The following SIMC1 variants were observed in gnomAD, a reference collection of about 807,000 sequenced individuals.
SIMC1 encodes SUMO-interacting motif-containing protein 1.
A neutral mutation model predicts 82.3 loss-of-function variants in SIMC1; 55 were observed. That is an observed-to-expected ratio of 0.67 (90% CI 0.54 to 0.84). The LOEUF is 0.84. Ranked by LOEUF, SIMC1 falls within the 40% of genes least tolerant of loss-of-function variation. The probability of loss-of-function intolerance (pLI) is 0.00; values close to 1 mark genes in which losing one functional copy is unlikely to be tolerated. For synonymous variants in SIMC1, 353 were observed against 426.3 expected, an observed-to-expected ratio of 0.83 and a Z score of 2.12; for missense variants, 915 against 1,107.2, an observed-to-expected ratio of 0.83 and a Z score of 2.46.
At chr5:176,309,084 A>T (rs533174274) in intron 4 of SIMC1, 1 of 699,128 alleles carries the variant, frequency 1.4e-6, no homozygotes, top group Non-Finnish European at 2.6e-6. Context: ...AATTTTGAAG[A>T]AGAAAAACTT....
intron 1 of SIMC1, among the ~76,000 whole-genome samples, chr5:176,280,618 T>C (rs1046296333): frequency 1.3e-5 from 2 of 152,220 alleles, no homozygotes; most frequent in Non-Finnish European, 2.9e-5. Context: ...GGAGCTCTTG[T>C]ACGGCAGGCC....
In SIMC1 at chr5:176,314,223, C is replaced by T. The variant is rs547002600; in HGVS notation, c.1889+378C>T. 1.0e-3 allele frequency among the ~76,000 whole-genome samples: 159 copies of T among 152,202 alleles called. 1 individual carries two copies. The highest frequency in any genetic ancestry group is 1.6e-3 in the Non-Finnish European group (111 of 68,006). On this transcript the variant is annotated intron_variant, in intron 5 of 9. Coordinates refer to ENST00000429602, the MANE Select transcript of SIMC1 (RefSeq NM_001308195.2). ...CAGAGGTTGCAGTGAGCCGAGATTG[C>T]GCCACTGTACTCCAGCCTGGGTGAC...
chr5:176,344,498 CA>C (rs1766322436), intron 9 of SIMC1, among the ~76,000 whole-genome samples: 2 of 136,154 alleles, frequency 1.5e-5, no homozygotes, highest in African/African-American at 5.5e-5. Context: ...CACACACACA[CA>C]CACACACCTG....
intron 1 of SIMC1, among the ~76,000 whole-genome samples, chr5:176,286,955 C>A (rs1763316987): frequency 6.6e-6 from 1 of 151,694 alleles, no homozygotes. Context: ...GTTAGAATGG[C>A]AATCATTAAA....
At chr5:176,335,888 T>A (rs1394584063) in intron 7 of SIMC1, among the ~76,000 whole-genome samples, 1 of 151,698 alleles carries the variant, frequency 6.6e-6, no homozygotes, top group East Asian at 2.0e-4. Flanking sequence ...ACAAAAAAAA[T>A]AATAATTAGC....
At chr5:176,302,316 C>T (rs1764075140) in intron 4 of SIMC1, among the ~76,000 whole-genome samples, 1 of 152,030 alleles carries the variant, frequency 6.6e-6, no homozygotes, top group Non-Finnish European at 1.5e-5. Flanking sequence ...GGAGAAAAAA[C>T]ACACAATCAC....
chr5:176,311,344 C>A (rs1396337372), intron 4 of SIMC1, among the ~76,000 whole-genome samples: 1 of 152,108 alleles, frequency 6.6e-6, no homozygotes, highest in Admixed American at 6.6e-5. Flanking sequence ...CTCAAGTGAT[C>A]CTCCTGCCTC....
At chr5:176,331,575 A>G (rs1373970968) in intron 7 of SIMC1, among the ~76,000 whole-genome samples, 1 of 148,370 alleles carries the variant, frequency 6.7e-6, no homozygotes, top group Non-Finnish European at 1.5e-5. Flanking sequence ...TTGGCCTCCC[A>G]AAGTGCTGGG....
chr5:176,322,797 GTT>G (rs1356942152), intron 6 of SIMC1: 2 of 165,548 alleles, frequency 1.2e-5, no homozygotes, highest in African/African-American at 2.4e-5. Context: ...TGTGAGTTTT[GTT>G]AACCTCGAGT....
chr5:176,342,449 C>A (rs1766191065), intron 9 of SIMC1, among the ~76,000 whole-genome samples: 1 of 152,168 alleles, frequency 6.6e-6, no homozygotes, highest in Admixed American at 6.5e-5. Flanking sequence ...CTTTAAGTAT[C>A]AAATGTAATT....
At chr5:176,317,717 A>T (rs1477941428) in intron 5 of SIMC1, among the ~76,000 whole-genome samples, 3 of 152,028 alleles carry the variant, frequency 2.0e-5, no homozygotes, top group African/African-American at 7.2e-5. Context: ...CCTTTCATTC[A>T]TATCTTTTTG....
rs543847170 is a variant in SIMC1 at position 176,256,842 on chromosome 5, A to G, written c.129+18205A>G. ...ATTGTAGCCTTGAACTCCTGGGCTCAAGTAATCTCCTGCCTCAAGTCTCCT... is the reference window on the plus strand; with the variant it reads ...ATTGTAGCCTTGAACTCCTGGGCTCGAGTAATCTCCTGCCTCAAGTCTCCT... On this transcript the variant is annotated intron_variant, in intron 1 of 9. Transcript: ENST00000429602. Among the ~76,000 whole-genome samples the G allele has an allele frequency of 2.7e-4, 41 of 152,276 alleles. No individual in the cohort carries two copies. The South Asian group carries it at 7.5e-3, about 28-fold the overall frequency.
chr5:176,315,302 G>GTCGGC (rs931315273), intron 5 of SIMC1, among the ~76,000 whole-genome samples: 4 of 152,144 alleles, frequency 2.6e-5, no homozygotes, highest in Admixed American at 2.6e-4. Flanking sequence ...CTGTCAAACA[G>GTCGGC]TCGGCTCTCG....
At chr5:176,297,698 C>T (rs1763881283) in intron 4 of SIMC1, among the ~76,000 whole-genome samples, 1 of 152,092 alleles carries the variant, frequency 6.6e-6, no homozygotes, top group African/African-American at 2.4e-5. Flanking sequence ...ACTTAGAATT[C>T]TGTACTTAGC....
rs1446570957 is a variant in SIMC1 at position 176,295,276 on chromosome 5, C to CCTCT, written c.1664+15_1664+18dup. The CCTCT allele has an allele frequency of 7.5e-6, 12 of 1,602,770 alleles. No individual in the cohort carries two copies. The highest frequency in any genetic ancestry group is 3.3e-4 in the Middle Eastern group (2 of 6,046). On this transcript the variant is annotated intron_variant, in intron 3 of 9. Transcript: ENST00000429602. ...GAAAATTCAACAGTATGAACCGTAACCTCTGGCTGTTGGCGAATCTTCTAG... is the reference window on the plus strand; with the variant it reads ...GAAAATTCAACAGTATGAACCGTAACCTCTCTCTGGCTGTTGGCGAATCTTCTAG...
At chr5:176,299,335 G>C (rs1157105253) in intron 4 of SIMC1, among the ~76,000 whole-genome samples, 1 of 151,702 alleles carries the variant, frequency 6.6e-6, no homozygotes, top group Admixed American at 6.6e-5. Context: ...CTAGGCTGCA[G>C]TAGGCTATCA....
intron 7 of SIMC1, among the ~76,000 whole-genome samples, chr5:176,327,459 A>C (rs1336833545): frequency 2.0e-5 from 3 of 152,210 alleles, no homozygotes; most frequent in Non-Finnish European, 4.4e-5. Flanking sequence ...CTGCAACCTT[A>C]ATAAATTAAC....
rs188625476 is a variant in SIMC1, at chr5:176,284,969, A to C, written c.130-4685A>C. Among the ~76,000 whole-genome samples the C allele has an allele frequency of 5.1e-3, 773 of 152,304 alleles. 14 individuals are homozygous for C. Among genetic ancestry groups the C allele is most frequent in the East Asian group, 0.033 (172 of 5,178 alleles). ...TTGAGGCAATAATTAATAGCCTACCAACCAAAAAAAGTCCAGGACCAGACG... is the reference window on the plus strand; with the variant it reads ...TTGAGGCAATAATTAATAGCCTACCCACCAAAAAAAGTCCAGGACCAGACG... On this transcript the variant is annotated intron_variant, in intron 1 of 9. Transcript: ENST00000429602.
chr5:176,290,019 A>G lies in SIMC1; in HGVS notation c.495A>G (p.Thr165=). The G allele has an allele frequency of 1.9e-6, 3 of 1,613,696 alleles. No homozygotes were observed. The highest frequency in any genetic ancestry group is 2.5e-6 in the Non-Finnish European group (3 of 1,179,772). Residue 165 remains threonine (T), a synonymous_variant, in exon 2 of 10, where the codon ACA becomes ACG. Transcript: ENST00000429602. ...YPTEPNCSSA[T]FTGNLSFLAS... ...CAGAGCCTAATTGTAGCTCAGCCAC[A>G]TTCACAGGTAACCTCAGCTTCTTGG...
Sources: gnomAD v4.1 joint callset for allele counts (sites outside exome capture counted in the v4.1 genomes callset) on GRCh38, gnomAD v4.1.1 for gene constraint, MANE v1.5 for transcripts, NCBI Gene and HGNC (gene_info 2026-07-23, HGNC 2026-07-21) for gene names.